ERC2: variants seen among roughly 807,000 people sequenced by gnomAD.
The protein encoded by ERC2 is ELKS/RAB6-interacting/CAST family member 2.
A neutral mutation model predicts 114.8 loss-of-function variants in ERC2; 42 were observed. That is an observed-to-expected ratio of 0.37 (90% CI 0.29 to 0.47). The LOEUF is 0.47. Among genes scored for constraint, ERC2 ranks in the 20% least tolerant of loss-of-function variants. The pLI, the probability that ERC2 is intolerant of heterozygous loss-of-function variation, is 0.99. For synonymous variants in ERC2, 454 were observed against 425.5 expected (o/e 1.07, Z -0.82); for missense variants, 939 against 1,150.7 (o/e 0.82, Z 2.66).
chr3:56,246,107 A>C (rs1487836034), intron 3 of ERC2, among the ~76,000 whole-genome samples: 1 of 151,924 alleles, frequency 6.6e-6, no homozygotes, highest in Non-Finnish European at 1.5e-5. Context: ...AAAAAAAAAA[A>C]AAAAAAAACT....
rs200184138 is a variant in ERC2 at position 56,434,949 on chromosome 3, C to A, written c.59G>T (p.Arg20Leu). 3.1e-6 allele frequency: 5 copies of A among 1,613,476 alleles called. No individual in the cohort carries two copies. Among genetic ancestry groups the A allele is most frequent in the Non-Finnish European group, 4.2e-6 (5 of 1,179,808 alleles). ...GCCCAAACGAGGAGACCTTGGCAAA[C>A]GAGGGGATCTGGAAGGGCTACCTTC... ...NLEGSPSRSP[R>L]LPRSPRLGHR... The change falls in exon 2 of 18, where the codon CGT becomes CTT. Residue 20 changes from arginine to leucine, a missense_variant. Physicochemically the swap from Arg to Leu is moderately radical, Grantham distance 102 (BLOSUM62 -2). This residue lies in a region of ERC2 where 281 missense variants were observed against 307.4 expected (regional missense o/e 0.91). Transcript: ENST00000288221.
intron 7 of ERC2, among the ~76,000 whole-genome samples, chr3:56,040,707 TAG>T (rs200103453): frequency 3.5e-5 from 5 of 143,440 alleles, no homozygotes; most frequent in East Asian, 4.1e-4. Flanking sequence ...GAGAGATATA[TAG>T]AGAGAGATAC....
chr3:56,016,454 T>A (rs1400691009), intron 8 of ERC2, among the ~76,000 whole-genome samples: 5 of 150,380 alleles, frequency 3.3e-5, no homozygotes, highest in Admixed American at 1.3e-4. Context: ...AACTTTTTAA[T>A]TTAACTCCAA....
At chr3:56,284,074 A>T (rs988903578) in intron 3 of ERC2, among the ~76,000 whole-genome samples, 2 of 152,234 alleles carry the variant, frequency 1.3e-5, no homozygotes, top group African/African-American at 4.8e-5. Flanking sequence ...TCCCATCAAA[A>T]TTCATTCTAC....
At chr3:55,775,537 AAAATAAATAAATAAATAAAT>A (rs10659476) in intron 14 of ERC2, among the ~76,000 whole-genome samples, 2 of 133,278 alleles carry the variant, frequency 1.5e-5, no homozygotes, top group African/African-American at 5.5e-5. Context: ...ACCCTGTCTC[AAAATAAATAAATAAATAAAT>A]AAATAAATAA....
chr3:55,933,750 C>T (rs1559893296), intron 13 of ERC2, among the ~76,000 whole-genome samples: 1 of 152,184 alleles, frequency 6.6e-6, no homozygotes, highest in Admixed American at 6.5e-5. Flanking sequence ...GGACTGGAGA[C>T]GGTGTCCAGC....
At chr3:55,699,889 G>T (rs2063130355) in intron 15 of ERC2, among the ~76,000 whole-genome samples, 1 of 152,164 alleles carries the variant, frequency 6.6e-6, no homozygotes, top group South Asian at 2.1e-4. Context: ...GAGCAAGCTG[G>T]AGATGGAAGT....
chr3:55,766,976 A>G (rs9311578), intron 14 of ERC2, among the ~76,000 whole-genome samples: 76,553 of 151,548 alleles, frequency 0.51, 19,637 homozygotes, highest in East Asian at 0.77. Flanking sequence ...TTCCCAGGTC[A>G]TATCAACTTG....
At chr3:55,544,300 C>T (rs780247930) in intron 17 of ERC2, among the ~76,000 whole-genome samples, 1 of 152,154 alleles carries the variant, frequency 6.6e-6, no homozygotes, top group Non-Finnish European at 1.5e-5. Context: ...GGCTGTCCTC[C>T]CACTCACACA....
chr3:56,192,169 T>C (rs1309659763), intron 3 of ERC2, among the ~76,000 whole-genome samples: 1 of 152,142 alleles, frequency 6.6e-6, no homozygotes, highest in Non-Finnish European at 1.5e-5. Context: ...TGCATGAATA[T>C]AGTTATGTCT....
chr3:55,867,515 C>G (rs558079273), intron 14 of ERC2, among the ~76,000 whole-genome samples: 1 of 152,014 alleles, frequency 6.6e-6, no homozygotes, highest in East Asian at 1.9e-4. Flanking sequence ...TTTACAATGA[C>G]TAGAGAATAA....
At chr3:56,047,419 A>G (rs1324555082) in intron 7 of ERC2, among the ~76,000 whole-genome samples, 2 of 152,254 alleles carry the variant, frequency 1.3e-5, no homozygotes, top group African/African-American at 4.8e-5. Context: ...GCATATTAAA[A>G]TGCAAGGGGC....
At chr3:55,603,062 T>C (rs2058478133) in intron 17 of ERC2, among the ~76,000 whole-genome samples, 1 of 152,080 alleles carries the variant, frequency 6.6e-6, no homozygotes, top group Non-Finnish European at 1.5e-5. Flanking sequence ...GTAAGGATAT[T>C]CTTACTCCTC....
At chr3:55,560,525 G>A (rs971705735) in intron 17 of ERC2, among the ~76,000 whole-genome samples, 1 of 152,070 alleles carries the variant, frequency 6.6e-6, no homozygotes, top group East Asian at 1.9e-4. Context: ...TCCCAGAGGT[G>A]CCCAGCCTGC....
chr3:55,939,273 T>A (rs1290920325), intron 13 of ERC2, among the ~76,000 whole-genome samples: 2 of 152,196 alleles, frequency 1.3e-5, no homozygotes, highest in African/African-American at 4.8e-5. Flanking sequence ...AACCTCAAAC[T>A]CTAATCCAAG....
intron 17 of ERC2, among the ~76,000 whole-genome samples, chr3:55,611,324 G>A (rs2058899772): frequency 6.6e-6 from 1 of 152,052 alleles, no homozygotes; most frequent in Admixed American, 6.5e-5. Context: ...CTAATTAGTT[G>A]TATCTACACA....
At chr3:56,130,776 C>T (rs909005629) in intron 6 of ERC2, among the ~76,000 whole-genome samples, 13 of 152,174 alleles carry the variant, frequency 8.5e-5, no homozygotes, top group Non-Finnish European at 1.2e-4. Context: ...TAGCATGAGG[C>T]CACTCTGCAA....
chr3:56,455,280 C>T (rs966233193), intron 1 of ERC2, among the ~76,000 whole-genome samples: 2 of 151,536 alleles, frequency 1.3e-5, no homozygotes, highest in African/African-American at 4.8e-5. Flanking sequence ...AAAAAAACAA[C>T]TGACATGAAC....
chr3:55,997,893 TTTTTTTTTTTTTTTG>T (rs2071670227), intron 10 of ERC2, among the ~76,000 whole-genome samples: 1 of 53,560 alleles, frequency 1.9e-5, no homozygotes, highest in African/African-American at 5.9e-5. Context: ...TTTTTTTTTT[TTTTTTTTTTTTTTTG>T]TGTGTGTGTG....
Sources: gnomAD v4.1 joint callset for allele counts (sites outside exome capture counted in the v4.1 genomes callset) on GRCh38, gnomAD v4.1.1 for gene constraint, gnomAD v4.1.1 regional missense constraint, MANE v1.5 for transcripts, NCBI Gene and HGNC (gene_info 2026-07-23, HGNC 2026-07-21) for gene names.